The following OCIAD2 variants were observed in gnomAD, a reference collection of about 807,000 sequenced individuals.
OCIAD2 encodes OCIA domain-containing protein 2.
OCIAD2 carries 29 observed loss-of-function variants against 22.9 expected under a neutral mutation model. The ratio of observed to expected loss-of-function variants is 1.27; its 90% CI spans 0.94 to 1.73. The LOEUF (loss-of-function observed/expected upper bound fraction) is 1.73, where lower values mean the gene tolerates loss of function less well. Among genes scored for constraint, OCIAD2 ranks in the 40% most tolerant of loss-of-function variants. OCIAD2 has a pLI of 0.00. For synonymous variants in OCIAD2, 67 were observed against 60.2 expected, an observed-to-expected ratio of 1.11 and a Z score of -0.52; for missense variants, 189 against 180.3, an observed-to-expected ratio of 1.05 and a Z score of -0.28.
intron 4 of OCIAD2, 24 bp downstream of exon 4, chr4:48,897,780 T>C (rs1383409156): frequency 6.3e-7 from 1 of 1,577,686 alleles, no homozygotes; most frequent in Non-Finnish European, 8.7e-7. Context: ...GAAATTAGAT[T>C]ATTTAACAAA....
rs564426486 is a variant in OCIAD2 at position 48,885,417 on chromosome 4, C to T, written c.*67G>A. On this transcript the variant is annotated 3_prime_UTR_variant, in exon 7 of 7. Coordinates refer to ENST00000508632, the MANE Select transcript of OCIAD2 (RefSeq NM_001014446.3). ...ATTAGAAGTATTTTATTTTAAAGTA[C>T]ACTTGAAATTTTAAATGTGTACAAA... is the stretch of plus-strand genomic sequence containing the variant. The T allele has an allele frequency of 4.3e-5, 36 of 844,312 alleles. No homozygotes were observed. In the African/African-American group the frequency reaches 5.7e-4, roughly 13 times the overall value. 52.3% of individuals were successfully genotyped at this position (844,312 alleles called of 1,614,324 possible).
At chr4:48,899,977 A>G in intron 2 of OCIAD2, 52 bp from the exon 3 acceptor site, 3 of 1,361,524 alleles carry the variant, frequency 2.2e-6, no homozygotes, top group Non-Finnish European at 1.0e-6. Flanking sequence ...AAAATCACCC[A>G]CTTTGTTTTC....
intron 1 of OCIAD2, among the ~76,000 whole-genome samples, chr4:48,906,152 C>T (rs531676123): frequency 6.6e-6 from 1 of 152,224 alleles, no homozygotes; most frequent in South Asian, 2.1e-4. Context: ...CTGGCACCCA[C>T]TTAGTCCTCA....
intron 1 of OCIAD2, among the ~76,000 whole-genome samples, chr4:48,906,043 T>C (rs906367477): frequency 1.3e-5 from 2 of 152,206 alleles, no homozygotes; most frequent in Non-Finnish European, 2.9e-5. Flanking sequence ...CAGGAAGTCT[T>C]TGCTGACCAC....
chr4:48,885,657 A>G, intron 6 of OCIAD2, 92 bp from the exon 7 acceptor site: 1 of 720,890 alleles, frequency 1.4e-6, no homozygotes, highest in Non-Finnish European at 2.4e-6. Flanking sequence ...ATTTTAACAT[A>G]ATCTTTTTAA....
At chr4:48,888,653 T>C (rs539818813) in intron 6 of OCIAD2, among the ~76,000 whole-genome samples, 2 of 152,354 alleles carry the variant, frequency 1.3e-5, no homozygotes, top group East Asian at 3.9e-4. Flanking sequence ...GATTTGCGTA[T>C]GTTCAACCAG....
At chr4:48,887,973 T>G (rs1781041696) in intron 6 of OCIAD2, among the ~76,000 whole-genome samples, 1 of 152,216 alleles carries the variant, frequency 6.6e-6, no homozygotes, top group South Asian at 2.1e-4. Flanking sequence ...CCCATGAGCA[T>G]GGAATGTTCT....
chr4:48,899,987 C>G (rs1781381076), intron 2 of OCIAD2, 62 bp from the exon 3 acceptor site: 1 of 1,242,116 alleles, frequency 8.1e-7, no homozygotes, highest in East Asian at 2.3e-5. Context: ...ACTTTGTTTT[C>G]TACAGAAGAG....
chr4:48,886,968 G>A (rs953222205), intron 6 of OCIAD2, among the ~76,000 whole-genome samples: 1 of 152,188 alleles, frequency 6.6e-6, no homozygotes, highest in Non-Finnish European at 1.5e-5. Context: ...CAGTGTAAAA[G>A]TGTTCCTATT....
At position 48,888,539 on chromosome 4, in the gene OCIAD2, G is replaced by T. The variant is rs535924019; in HGVS notation, c.384-2974C>A. ...ATACCTAATTTATTGAGAGTTTTTA[G>T]CATGAAGGGCTATTGGATTTTGTCA... On this transcript the variant is annotated intron_variant, in intron 6 of 6. Coordinates refer to ENST00000508632, the MANE Select transcript of OCIAD2 (RefSeq NM_001014446.3). Among the ~76,000 whole-genome samples, 228 of 152,186 alleles carry T rather than the reference G, an allele frequency of 1.5e-3. 1 individual carries two copies. Among genetic ancestry groups the T allele is most frequent in the African/African-American group, 5.3e-3 (220 of 41,520 alleles).
At chr4:48,896,244 G>T (rs1169239151) in intron 4 of OCIAD2, among the ~76,000 whole-genome samples, 3 of 152,080 alleles carry the variant, frequency 2.0e-5, no homozygotes, top group Admixed American at 1.3e-4. Context: ...ACCCAGAAAA[G>T]AACTAGGACT....
chr4:48,903,880 C>T (rs182519167), intron 2 of OCIAD2, among the ~76,000 whole-genome samples: 4 of 151,890 alleles, frequency 2.6e-5, no homozygotes, highest in African/African-American at 4.8e-5. Flanking sequence ...CTCTTGACCT[C>T]GTGATCCACC....
chr4:48,904,540 C>G lies in OCIAD2; in HGVS notation c.10G>C (p.Ala4Pro). 6.2e-7 allele frequency: 1 copy of G among 1,614,064 alleles called. No individual in the cohort carries two copies. Among genetic ancestry groups the G allele is most frequent in the Non-Finnish European group, 8.5e-7 (1 of 1,179,994 alleles). The change falls in exon 2 of 7, where the codon GCG (alanine) becomes CCG (proline). Residue 4 changes from alanine to proline, a missense_variant. Ala to Pro is a conservative substitution (Grantham distance 27). Coordinates refer to ENST00000508632, the MANE Select transcript of OCIAD2 (RefSeq NM_001014446.3). MAS[A>P]SARGNQDKDA... ...TTATCTTGGTTTCCACGAGCAGACG[C>G]TGAAGCCATGATGACTTTGTGCTTG...
rs184387604 is a variant in OCIAD2, at chr4:48,895,383, C to T, written c.218-1330G>A. ...TCTGCTGCTATAACAGAATACCATA[C>T]GCTGGATAATTTATAAAGAACAGAA... On this transcript the variant is annotated intron_variant, in intron 4 of 6. Transcript: ENST00000508632. Among the ~76,000 whole-genome samples, 114 of 152,246 alleles carry T rather than the reference C, an allele frequency of 7.5e-4. 1 individual carries two copies. The highest frequency in any genetic ancestry group is 3.5e-3 in the South Asian group (17 of 4,822).
chr4:48,894,090 T>A, intron 4 of OCIAD2, 37 bp from the exon 5 acceptor site: 1 of 1,077,720 alleles, frequency 9.3e-7, no homozygotes, highest in Non-Finnish European at 1.3e-6. Flanking sequence ...TTATTTCATT[T>A]CATAAATTAA....
At chr4:48,889,906 C>G (rs1781116937) in intron 6 of OCIAD2, among the ~76,000 whole-genome samples, 1 of 152,114 alleles carries the variant, frequency 6.6e-6, no homozygotes, top group South Asian at 2.1e-4. Flanking sequence ...CACATATACA[C>G]CTTGGAATAC....
At chr4:48,888,983 G>A (rs1781079664) in intron 6 of OCIAD2, among the ~76,000 whole-genome samples, 1 of 152,006 alleles carries the variant, frequency 6.6e-6, no homozygotes, top group South Asian at 2.1e-4. Context: ...TTTTTTGGTT[G>A]GTAAGCTATT....
At chr4:48,903,639 T>G (rs1781464761) in intron 2 of OCIAD2, among the ~76,000 whole-genome samples, 1 of 150,234 alleles carries the variant, frequency 6.7e-6, no homozygotes, top group Non-Finnish European at 1.5e-5. Context: ...GAAAGGGTTT[T>G]TTTTTTTTTT....
chr4:48,895,907 C>T (rs1781291807), intron 4 of OCIAD2, among the ~76,000 whole-genome samples: 1 of 152,058 alleles, frequency 6.6e-6, no homozygotes, highest in African/African-American at 2.4e-5. Flanking sequence ...TAGCACAGGC[C>T]TGCAATCCCA....
Sources: allele counts gnomAD v4.1 joint callset (sites outside exome capture counted in the v4.1 genomes callset), GRCh38; gene constraint gnomAD v4.1.1; transcripts MANE v1.5; gene names NCBI Gene and HGNC (gene_info 2026-07-23, HGNC 2026-07-21).